THSD7B: variants seen among roughly 807,000 people sequenced by gnomAD.
The protein encoded by THSD7B is thrombospondin type 1 domain containing 7B.
A neutral mutation model predicts 213.6 loss-of-function variants in THSD7B; 138 were observed. The observed-to-expected ratio is 0.65, with a 90% CI of 0.56 to 0.74. The LOEUF (loss-of-function observed/expected upper bound fraction) is 0.74, where lower values mean the gene tolerates loss of function less well. Ranked by LOEUF, THSD7B falls within the 30% of genes least tolerant of loss-of-function variation. THSD7B has a pLI of 0.00. For synonymous variants in THSD7B, 742 were observed against 687.0 expected (o/e 1.08, Z -1.25); for missense variants, 1,931 against 1,991.5 (o/e 0.97, Z 0.58).
intron 5 of THSD7B, among the ~76,000 whole-genome samples, chr2:137,127,131 G>T (rs1008526425): frequency 6.6e-6 from 1 of 152,120 alleles, no homozygotes; most frequent in East Asian, 1.9e-4. Context: ...ATCACAAAGC[G>T]GGCACATGCT....
chr2:137,295,378 C>A (rs1256175007), intron 12 of THSD7B, among the ~76,000 whole-genome samples: 1 of 152,124 alleles, frequency 6.6e-6, no homozygotes, highest in African/African-American at 2.4e-5. Flanking sequence ...TATATGATTT[C>A]TATGGCAATT....
At chr2:137,571,755 A>G (rs971867887) in intron 16 of THSD7B, among the ~76,000 whole-genome samples, 4 of 152,196 alleles carry the variant, frequency 2.6e-5, no homozygotes, top group Non-Finnish European at 4.4e-5. Context: ...CCAAGCACCC[A>G]TGATGCATAC....
intron 14 of THSD7B, among the ~76,000 whole-genome samples, chr2:137,449,600 G>C (rs924355517): frequency 6.6e-6 from 1 of 152,188 alleles, no homozygotes; most frequent in African/African-American, 2.4e-5. Context: ...CTGTGGGCCT[G>C]AAGGCCCTGT....
At chr2:136,777,565 G>A (rs1424927120) in intron 1 of THSD7B, among the ~76,000 whole-genome samples, 2 of 152,116 alleles carry the variant, frequency 1.3e-5, no homozygotes, top group South Asian at 4.1e-4. Context: ...AAGAATCTTA[G>A]TATATGAGAG....
At chr2:137,316,076 CT>C (rs1684090775) in intron 12 of THSD7B, among the ~76,000 whole-genome samples, 1 of 152,078 alleles carries the variant, frequency 6.6e-6, no homozygotes, top group Non-Finnish European at 1.5e-5. Flanking sequence ...AGAATTATTA[CT>C]TGGGTAATAC....
chr2:137,624,178 T>C (rs1399484489), intron 20 of THSD7B, among the ~76,000 whole-genome samples: 1 of 152,040 alleles, frequency 6.6e-6, no homozygotes, highest in Non-Finnish European at 1.5e-5. Context: ...ATACCACACA[T>C]CTACAACCAT....
intron 2 of THSD7B, among the ~76,000 whole-genome samples, chr2:136,989,084 A>C (rs1026713616): frequency 6.6e-6 from 1 of 152,190 alleles, no homozygotes; most frequent in Non-Finnish European, 1.5e-5. Flanking sequence ...AATCTCTAGG[A>C]GCAGATGGAC....
At chr2:137,216,589 A>C (rs1681248024) in intron 7 of THSD7B, among the ~76,000 whole-genome samples, 1 of 152,138 alleles carries the variant, frequency 6.6e-6, no homozygotes, top group African/African-American at 2.4e-5. Flanking sequence ...TCTGAATCTG[A>C]AACGGGTGCC....
chr2:136,843,985 A>G (rs1682958019), intron 1 of THSD7B, among the ~76,000 whole-genome samples: 1 of 152,148 alleles, frequency 6.6e-6, no homozygotes, highest in Non-Finnish European at 1.5e-5. Flanking sequence ...AGAATCATCC[A>G]CAGGGATTTC....
At chr2:137,292,931 T>A (rs1355581050) in intron 12 of THSD7B, among the ~76,000 whole-genome samples, 1 of 152,164 alleles carries the variant, frequency 6.6e-6, no homozygotes, top group Non-Finnish European at 1.5e-5. Flanking sequence ...TTACCCAGTC[T>A]GAACAGTGCA....
chr2:137,216,959 T>C (rs891424547), intron 7 of THSD7B, among the ~76,000 whole-genome samples: 1 of 152,184 alleles, frequency 6.6e-6, no homozygotes, highest in Non-Finnish European at 1.5e-5. Context: ...TTAACTCTTT[T>C]GTGATTATTC....
At chr2:137,168,946 T>G (rs1558945168) in intron 6 of THSD7B, among the ~76,000 whole-genome samples, 1 of 152,060 alleles carries the variant, frequency 6.6e-6, no homozygotes, top group Non-Finnish European at 1.5e-5. Flanking sequence ...TATGAGCCCT[T>G]CTGTAGATTT....
At chr2:136,969,053 T>A (rs974443640) in intron 2 of THSD7B, among the ~76,000 whole-genome samples, 6 of 152,204 alleles carry the variant, frequency 3.9e-5, no homozygotes. Flanking sequence ...TGCAAGTTTT[T>A]ACTCACCTCT....
intron 2 of THSD7B, among the ~76,000 whole-genome samples, chr2:136,997,012 G>A (rs374346045): frequency 1.3e-5 from 2 of 152,110 alleles, no homozygotes; most frequent in African/African-American, 2.4e-5. Context: ...ACACTGTTTT[G>A]TCTACTCTTT....
intron 10 of THSD7B, among the ~76,000 whole-genome samples, chr2:137,253,116 A>G (rs915650090): frequency 6.6e-6 from 1 of 152,130 alleles, no homozygotes. Flanking sequence ...CACTCTGAGT[A>G]TGATCTGAGT....
intron 14 of THSD7B, among the ~76,000 whole-genome samples, chr2:137,438,205 C>G (rs1304385397): frequency 1.3e-5 from 2 of 152,040 alleles, no homozygotes; most frequent in African/African-American, 4.8e-5. Context: ...CAAGGTAACA[C>G]CACAAGTAGT....
intron 12 of THSD7B, among the ~76,000 whole-genome samples, chr2:137,362,400 G>C (rs540392476): frequency 6.6e-6 from 1 of 152,200 alleles, no homozygotes; most frequent in Admixed American, 6.5e-5. Flanking sequence ...CCTTAAATGT[G>C]AATGGGCTAA....
At chr2:136,988,591 A>G (rs4954367) in intron 2 of THSD7B, among the ~76,000 whole-genome samples, 12,570 of 152,232 alleles carry the variant, frequency 0.083, 651 homozygotes, top group East Asian at 0.22. Context: ...TGTGGCTGTA[A>G]GCTAGAGAAC....
chr2:137,536,071 C>T (rs10180394), intron 15 of THSD7B, among the ~76,000 whole-genome samples: 6,201 of 149,376 alleles, frequency 0.042, 240 homozygotes, highest in African/African-American at 0.1. Flanking sequence ...ACTCAAAACA[C>T]GGCAGGGCCC....
Sources: gnomAD v4.1 joint callset for allele counts (sites outside exome capture counted in the v4.1 genomes callset) on GRCh38, gnomAD v4.1.1 for gene constraint, MANE v1.5 for transcripts, NCBI Gene and HGNC (gene_info 2026-07-23, HGNC 2026-07-21) for gene names.